The following PTPRS variants were observed in gnomAD, a reference collection of about 807,000 sequenced individuals.
PTPRS encodes the protein receptor-type tyrosine-protein phosphatase S.
In PTPRS, 63 loss-of-function variants were observed where a neutral mutation model predicts 215.3. That is an observed-to-expected ratio of 0.29 (90% CI 0.24 to 0.36). The LOEUF is 0.36. Among genes scored for constraint, PTPRS ranks in the 10% least tolerant of loss-of-function variants. The probability of loss-of-function intolerance (pLI) is 1.00; values close to 1 mark genes in which losing one functional copy is unlikely to be tolerated. For synonymous variants in PTPRS, 1,404 were observed against 1,191.4 expected, an observed-to-expected ratio of 1.18 and a Z score of -3.68; for missense variants, 2,258 against 2,825.8, an observed-to-expected ratio of 0.80 and a Z score of 4.56.
chr19:5,312,057 A>G (rs1025201607), intron 1 of PTPRS, among the ~76,000 whole-genome samples: 20 of 151,752 alleles, frequency 1.3e-4, no homozygotes, highest in Middle Eastern at 6.8e-3. Flanking sequence ...AAAAAAAAAG[A>G]AAGAAATACG....
At chr19:5,272,496 G>C (rs1194363660) in intron 4 of PTPRS, among the ~76,000 whole-genome samples, 7 of 150,272 alleles carry the variant, frequency 4.7e-5, no homozygotes, top group African/African-American at 1.7e-4. Context: ...TACTTGGGAG[G>C]CTGAGGCAGG....
intron 4 of PTPRS, among the ~76,000 whole-genome samples, chr19:5,268,938 G>A (rs372913312): frequency 5.3e-5 from 8 of 152,332 alleles, no homozygotes; most frequent in African/African-American, 1.9e-4. Flanking sequence ...AGGCAGTTCA[G>A]GCCTCTTGTC....
intron 1 of PTPRS, among the ~76,000 whole-genome samples, chr19:5,297,829 A>G (rs2005824): frequency 0.65 from 93,361 of 144,372 alleles, 30,258 homozygotes; most frequent in Admixed American, 0.7. Context: ...GTCTCGTTCC[A>G]TCGCCCAGGC....
At chr19:5,227,896 G>A (rs2042644484) in intron 16 of PTPRS, among the ~76,000 whole-genome samples, 2 of 152,106 alleles carry the variant, frequency 1.3e-5, no homozygotes, top group Admixed American at 6.5e-5. Context: ...CTGTGCACAC[G>A]ATCACAGCAT....
intron 1 of PTPRS, among the ~76,000 whole-genome samples, chr19:5,305,919 G>A (rs1382055014): frequency 5.7e-5 from 5 of 88,468 alleles, no homozygotes; most frequent in South Asian, 4.7e-4. Context: ...CAGCCTGGGC[G>A]ACAGAGCAAG....
intron 26 of PTPRS, 94 bp from the exon 27 acceptor site, chr19:5,215,689 G>T (rs2145171137): frequency 1.1e-6 from 1 of 901,246 alleles, no homozygotes; most frequent in South Asian, 1.6e-5. Context: ...AGTCTGCGAT[G>T]GGTGAGCTGT....
chr19:5,272,462 G>T (rs2046990859), intron 4 of PTPRS, among the ~76,000 whole-genome samples: 1 of 151,658 alleles, frequency 6.6e-6, no homozygotes, highest in African/African-American at 2.4e-5. Context: ...GCTGGGCGTG[G>T]TGGCATGTGC....
chr19:5,310,881 T>G lies in PTPRS; in HGVS notation c.-94-24647A>C, dbSNP rs1016673460. Among the ~76,000 whole-genome samples the G allele has an allele frequency of 2.0e-4, 31 of 151,872 alleles. 1 individual carries two copies. Among genetic ancestry groups the G allele is most frequent in the African/African-American group, 7.5e-4 (31 of 41,376 alleles). On this transcript the variant is annotated intron_variant, in intron 1 of 37. Transcript: ENST00000262963. ...CCACCACACCCGGCTAATTTTTGTA[T>G]TTTTATTTATTATTATTATTATGAA...
Position 5,237,297 on chromosome 19 carries a change from G to A in PTPRS, c.1849+1622C>T, listed in dbSNP as rs1335895243. On this transcript the variant is annotated intron_variant, in intron 13 of 37. Coordinates refer to ENST00000262963, the MANE Select transcript of PTPRS (RefSeq NM_002850.4). The surrounding 1 kb of genome is among the most constrained non-coding windows in gnomAD (Gnocchi z 4.2). ...GCCTAAGGAGCCCGCAGTCCCCGGG[G>A]GGATGGATACGCCTGGCCCTGAGTC... 6.6e-6 allele frequency among the ~76,000 whole-genome samples: 1 copy of A among 152,240 alleles called. No individual in the cohort carries two copies. Among genetic ancestry groups the A allele is most frequent in the African/African-American group, 2.4e-5 (1 of 41,464 alleles).
chr19:5,302,671 A>G (rs573337973), intron 1 of PTPRS, among the ~76,000 whole-genome samples: 1 of 152,218 alleles, frequency 6.6e-6, no homozygotes, highest in African/African-American at 2.4e-5. Flanking sequence ...AAAGGGAGTC[A>G]TTGCTGGTGT....
At chr19:5,274,159 G>A (rs762952310) in intron 3 of PTPRS, 40 bp downstream of exon 3, 48 of 1,583,948 alleles carry the variant, frequency 3.0e-5, no homozygotes, top group Non-Finnish European at 3.9e-5. Flanking sequence ...TGCCTTGGGG[G>A]AGCATTGACC....
intron 32 of PTPRS, 29 bp from the exon 33 acceptor site, chr19:5,211,797 C>T: frequency 6.2e-7 from 1 of 1,605,846 alleles, no homozygotes; most frequent in Non-Finnish European, 8.5e-7. Context: ...CAGAGGCCAC[C>T]ATCAGGATGA....
At position 5,206,173 on chromosome 19, in the gene PTPRS, T is replaced by C. The variant is rs1431606208; in HGVS notation, c.*601A>G. On this transcript the variant is annotated 3_prime_UTR_variant, in exon 38 of 38. Transcript: ENST00000262963. ...TTCTACAGTGAAAAAATAGACTGTC[T>C]TTGAACAGAATATGAATAAGCCAAA... Among the ~76,000 whole-genome samples, 1 of 151,762 alleles carries C rather than the reference T, an allele frequency of 6.6e-6. No homozygotes were observed. The highest frequency in any genetic ancestry group is 2.4e-5 in the African/African-American group (1 of 41,292).
intron 11 of PTPRS, among the ~76,000 whole-genome samples, chr19:5,242,376 T>G (rs1302878393): frequency 1.3e-5 from 2 of 152,016 alleles, no homozygotes; most frequent in East Asian, 3.9e-4. Flanking sequence ...CTAGGATAAC[T>G]GTCCAATTTT....
At chr19:5,326,104 G>A (rs1239211396) in intron 1 of PTPRS, among the ~76,000 whole-genome samples, 1 of 152,188 alleles carries the variant, frequency 6.6e-6, no homozygotes, top group Non-Finnish European at 1.5e-5. Context: ...GGTGACACAC[G>A]CCTGTAATCC....
chr19:5,216,549 G>A (rs1330616286), intron 26 of PTPRS, among the ~76,000 whole-genome samples, 171 bp downstream of exon 26: 2 of 152,014 alleles, frequency 1.3e-5, no homozygotes, highest in African/African-American at 2.4e-5. Flanking sequence ...CCACCTGAGG[G>A]CCCAATGGAC....
rs1026676808 is a variant in PTPRS at position 5,339,168 on chromosome 19, G to A, written c.-95+1496C>T. Among the ~76,000 whole-genome samples the A allele has an allele frequency of 6.6e-6, 1 of 152,088 alleles. No individual in the cohort carries two copies. Among genetic ancestry groups the A allele is most frequent in the Non-Finnish European group, 1.5e-5 (1 of 67,990 alleles). Reference sequence around the variant, plus strand: ...CAGAGGCAGGAGGACCCCATGCTCAGAAGGGGGCTCCCCTAGATTGTGACG... The same window carrying A: ...CAGAGGCAGGAGGACCCCATGCTCAAAAGGGGGCTCCCCTAGATTGTGACG... On this transcript the variant is annotated intron_variant, in intron 1 of 37. Coordinates refer to ENST00000262963, the MANE Select transcript of PTPRS (RefSeq NM_002850.4). This position sits in a 1 kb window ranked among gnomAD's most constrained non-coding sequence, Gnocchi z 4.2.
Position 5,220,357 on chromosome 19 carries a change from T to G in PTPRS, c.3456-4A>C, listed in dbSNP as rs748109985. 2 of 1,611,712 alleles carry G rather than the reference T, an allele frequency of 1.2e-6. No individual in the cohort carries two copies. The highest frequency in any genetic ancestry group is 2.2e-5 in the East Asian group (1 of 44,864). ...CACCATCACAATGAAATAGCTCCTG[T>G]AGGGAGATGGGAAAGAGTCAGAGGG... On this transcript the variant is annotated splice_polypyrimidine_tract_variant and splice_region_variant and intron_variant, in intron 20 of 37. Coordinates refer to ENST00000262963, the MANE Select transcript of PTPRS (RefSeq NM_002850.4).
In PTPRS at chr19:5,221,119, C is replaced by T. The variant is rs751823026; in HGVS notation, c.3336G>A (p.Thr1112=). The T allele has an allele frequency of 3.8e-5, 61 of 1,613,828 alleles. No individual in the cohort carries two copies. The highest frequency in any genetic ancestry group is 4.4e-5 in the South Asian group (4 of 91,074). ...GGTTGAAGGCAGTCCAGGCGGTGAC[C>T]GTCTGCTGGAGGCCGCCCAGGCTGC... ...RGSSLGGLQQ[T]VTAWTAFNLL... The change falls in exon 20 of 38, where the codon ACG becomes ACA. Residue 1112 remains threonine, a synonymous_variant. Coordinates refer to ENST00000262963, the MANE Select transcript of PTPRS (RefSeq NM_002850.4).
Sources: allele counts gnomAD v4.1 joint callset (sites outside exome capture counted in the v4.1 genomes callset), GRCh38; gene constraint gnomAD v4.1.1; non-coding constraint Gnocchi (gnomAD v3.1); transcripts MANE v1.5; gene names NCBI Gene and HGNC (gene_info 2026-07-23, HGNC 2026-07-21).